Variants in CNKSR3 observed in about 807,000 individuals in gnomAD.
CNKSR3 encodes CNKSR family member 3.
In CNKSR3, 36 loss-of-function variants were observed where a neutral mutation model predicts 67.7. The ratio of observed to expected loss-of-function variants is 0.53; its 90% CI spans 0.41 to 0.70. The LOEUF (loss-of-function observed/expected upper bound fraction) is 0.70. Among genes scored for constraint, CNKSR3 ranks in the 30% least tolerant of loss-of-function variants. The pLI, the probability that CNKSR3 is intolerant of heterozygous loss-of-function variation, is 0.00. For synonymous variants in CNKSR3, 281 were observed against 271.4 expected (o/e 1.04, Z -0.35); for missense variants, 630 against 695.2 (o/e 0.91, Z 1.05).
At chr6:154,424,300 C>T (rs1785210667) in intron 7 of CNKSR3, among the ~76,000 whole-genome samples, 1 of 151,716 alleles carries the variant, frequency 6.6e-6, no homozygotes, top group African/African-American at 2.4e-5. Flanking sequence ...AAATATTTTG[C>T]TCATGGTGTT....
At chr6:154,414,535 C>A in intron 9 of CNKSR3, 112 bp from the exon 10 acceptor site, 1 of 1,105,156 alleles carries the variant, frequency 9.0e-7, no homozygotes, top group South Asian at 1.4e-5. Context: ...TGAACAGGGA[C>A]TGAGGTCATT....
At chr6:154,452,467 G>T (rs1475732564) in intron 1 of CNKSR3, among the ~76,000 whole-genome samples, 2 of 152,228 alleles carry the variant, frequency 1.3e-5, no homozygotes, top group Non-Finnish European at 2.9e-5. Context: ...AAATTACTGT[G>T]AAGTTTACCC....
intron 5 of CNKSR3, 68 bp downstream of exon 5, chr6:154,433,398 T>C: frequency 9.2e-7 from 1 of 1,081,350 alleles, no homozygotes. Context: ...CACAGGGCAT[T>C]TACTTAATGT....
At position 154,410,327 on chromosome 6, in the gene CNKSR3, C is replaced by G. The variant is rs375927780; in HGVS notation, c.1369+16G>C. ...TCCCCATTTGCTGTTCCTTGGTTTG[C>G]TTGGATGAAACGTACCTTTCCTGCC... On this transcript the variant is annotated intron_variant, in intron 12 of 12. Coordinates refer to ENST00000607772, the MANE Select transcript of CNKSR3 (RefSeq NM_173515.4). The G allele has an allele frequency of 1.2e-6, 2 of 1,602,604 alleles. No individual in the cohort carries two copies. Among genetic ancestry groups the G allele is most frequent in the Non-Finnish European group, 8.5e-7 (1 of 1,169,868 alleles).
At chr6:154,446,343 T>C (rs1400695173) in intron 2 of CNKSR3, among the ~76,000 whole-genome samples, 2 of 152,228 alleles carry the variant, frequency 1.3e-5, no homozygotes, top group African/African-American at 4.8e-5. Context: ...TAACGTGTGA[T>C]TAAGGTGTGC....
At chr6:154,466,335 T>G (rs1292823699) in intron 1 of CNKSR3, among the ~76,000 whole-genome samples, 1 of 152,190 alleles carries the variant, frequency 6.6e-6, no homozygotes, top group African/African-American at 2.4e-5. Flanking sequence ...GCCAGTTCCC[T>G]TGGCTCATGT....
At chr6:154,453,395 T>C (rs11966029) in intron 1 of CNKSR3, among the ~76,000 whole-genome samples, 3,431 of 152,250 alleles carry the variant, frequency 0.023, 71 homozygotes, top group African/African-American at 0.053. Flanking sequence ...TGATTAGAGA[T>C]TGAGAATTGA....
intron 12 of CNKSR3, among the ~76,000 whole-genome samples, chr6:154,408,476 G>A (rs1784846605): frequency 6.6e-6 from 1 of 152,154 alleles, no homozygotes; most frequent in Admixed American, 6.5e-5. Context: ...GTTTTTCAAT[G>A]TACTTGCTTT....
chr6:154,507,078 T>C (rs1170425855), intron 1 of CNKSR3, among the ~76,000 whole-genome samples: 9 of 152,238 alleles, frequency 5.9e-5, no homozygotes, highest in African/African-American at 1.4e-4. Context: ...TAACTGTTCC[T>C]ACCTCAAAGG....
intron 1 of CNKSR3, among the ~76,000 whole-genome samples, chr6:154,461,369 G>T (rs1417258430): frequency 1.3e-5 from 2 of 152,160 alleles, no homozygotes; most frequent in East Asian, 3.8e-4. Flanking sequence ...TATGTTTTTG[G>T]CACCACGGGA....
chr6:154,420,916 T>C (rs1785131362), intron 9 of CNKSR3, among the ~76,000 whole-genome samples: 1 of 152,186 alleles, frequency 6.6e-6, no homozygotes, highest in African/African-American at 2.4e-5. Flanking sequence ...AATTAAAAAG[T>C]GAATTTTAAA....
At chr6:154,493,382 G>A (rs900944421) in intron 1 of CNKSR3, among the ~76,000 whole-genome samples, 20 of 152,062 alleles carry the variant, frequency 1.3e-4, no homozygotes, top group Admixed American at 5.9e-4. Flanking sequence ...TATCAGCTCC[G>A]AGAAGATAGG....
At chr6:154,502,095 C>T (rs112561321) in intron 1 of CNKSR3, among the ~76,000 whole-genome samples, 1 of 151,974 alleles carries the variant, frequency 6.6e-6, no homozygotes, top group African/African-American at 2.4e-5. Context: ...AGTGGGTAAA[C>T]ACATACGCCA....
chr6:154,432,892 G>T (rs1785396469), intron 5 of CNKSR3, among the ~76,000 whole-genome samples: 1 of 152,230 alleles, frequency 6.6e-6, no homozygotes, highest in Admixed American at 6.5e-5. Context: ...AATCCAAGAA[G>T]TGATACTTTT....
At chr6:154,502,358 ATTT>A (rs541089259) in intron 1 of CNKSR3, among the ~76,000 whole-genome samples, 4 of 141,308 alleles carry the variant, frequency 2.8e-5, no homozygotes, top group Non-Finnish European at 3.1e-5. Flanking sequence ...TGCCCAGCTA[ATTT>A]TTTTTTTTTT....
At chr6:154,476,868 G>T (rs1256534876) in intron 1 of CNKSR3, among the ~76,000 whole-genome samples, 2 of 152,050 alleles carry the variant, frequency 1.3e-5, no homozygotes, top group African/African-American at 4.8e-5. Flanking sequence ...AAATATCCAG[G>T]TCTTAAAAAT....
intron 1 of CNKSR3, among the ~76,000 whole-genome samples, chr6:154,504,239 G>A (rs761238870): frequency 1.2e-4 from 19 of 152,190 alleles, no homozygotes; most frequent in African/African-American, 1.7e-4. Context: ...TTATCACTCC[G>A]CTAATCAAGA....
intron 1 of CNKSR3, among the ~76,000 whole-genome samples, chr6:154,492,656 G>A (rs753205958): frequency 6.6e-6 from 1 of 150,414 alleles, no homozygotes; most frequent in Non-Finnish European, 1.5e-5. Flanking sequence ...TGAGGCAGGA[G>A]AATCTCTTGA....
At chr6:154,503,955 T>G (rs1432585231) in intron 1 of CNKSR3, among the ~76,000 whole-genome samples, 2 of 152,308 alleles carry the variant, frequency 1.3e-5, no homozygotes, top group African/African-American at 4.8e-5. Flanking sequence ...AGAACAGTGC[T>G]TCTCTAATTG....
Sources: allele counts gnomAD v4.1 joint callset (sites outside exome capture counted in the v4.1 genomes callset), GRCh38; gene constraint gnomAD v4.1.1; transcripts MANE v1.5; gene names NCBI Gene and HGNC (gene_info 2026-07-23, HGNC 2026-07-21).